Variants in BAZ2B observed in about 807,000 individuals in gnomAD.
BAZ2B encodes bromodomain adjacent to zinc finger domain 2B.
In BAZ2B, 91 loss-of-function variants were observed where a neutral mutation model predicts 246.0. The ratio of observed to expected loss-of-function variants is 0.37; its 90% CI spans 0.31 to 0.44. The LOEUF is 0.44. BAZ2B is among the 20% of genes least tolerant of loss of function. The pLI, the probability that BAZ2B is intolerant of heterozygous loss-of-function variation, is 1.00. For missense variants in BAZ2B, 2,332 were observed against 2,533.7 expected (o/e 0.92, Z 1.71); for synonymous variants, 855 against 860.0 (o/e 0.99, Z 0.10).
At chr2:159,407,965 A>G (rs991575980) in intron 14 of BAZ2B, among the ~76,000 whole-genome samples, 6 of 152,232 alleles carry the variant, frequency 3.9e-5, no homozygotes, top group Non-Finnish European at 8.8e-5. Context: ...TTTGAATTCT[A>G]CAATAGAGGC....
intron 4 of BAZ2B, among the ~76,000 whole-genome samples, chr2:159,451,344 T>G (rs2075066819): frequency 6.6e-6 from 1 of 152,272 alleles, no homozygotes; most frequent in East Asian, 1.9e-4. Flanking sequence ...ATATAAAAAA[T>G]TATTCCTCAT....
At chr2:159,374,845 C>T (rs774181608) in intron 25 of BAZ2B, 92 bp from the exon 26 acceptor site, 57 of 1,069,918 alleles carry the variant, frequency 5.3e-5, no homozygotes, top group South Asian at 1.6e-4. Flanking sequence ...ATAGGCACTG[C>T]GGAAAGGTAT....
At chr2:159,329,151 A>G (rs2064249002) in intron 34 of BAZ2B, among the ~76,000 whole-genome samples, 2 of 151,536 alleles carry the variant, frequency 1.3e-5, no homozygotes, top group Admixed American at 1.3e-4. Flanking sequence ...AAAAAAAAAA[A>G]AAGAAAATAT....
chr2:159,501,029 G>A (rs2081646443), intron 2 of BAZ2B, among the ~76,000 whole-genome samples: 1 of 143,602 alleles, frequency 7.0e-6, no homozygotes, highest in Non-Finnish European at 1.5e-5. Context: ...CAGAACTTTG[G>A]GAGGCTGAGG....
chr2:159,698,110 C>T, the BAZ2B span, among the ~76,000 whole-genome samples: 2 of 152,130 alleles, frequency 1.3e-5, no homozygotes, highest in African/African-American at 2.4e-5. Flanking sequence ...AAATTACTAA[C>T]GATTATAAAT....
At chr2:159,654,170 A>G in the BAZ2B span, among the ~76,000 whole-genome samples, 222 of 152,330 alleles carry the variant, frequency 1.5e-3, 2 homozygotes, top group Middle Eastern at 6.8e-3. Context: ...TATATTGATC[A>G]ATAAAAAGAT....
At position 159,439,091 on chromosome 2, in the gene BAZ2B, T is replaced by C. The variant is rs1162595553; in HGVS notation, c.818A>G (p.Glu273Gly). The C allele has an allele frequency of 6.2e-7, 1 of 1,613,954 alleles. No individual in the cohort carries two copies. The highest frequency in any genetic ancestry group is 8.5e-7 in the Non-Finnish European group (1 of 1,179,948). ...TTCTTCAATACTTTGATCTTCTTCT[T>C]CTTCATCTTCTTCTAGATCATCTGA... is the stretch of plus-strand genomic sequence containing the variant. ...SDSDDLEEDEEEEDQSIEESE... is the reference protein window; with the variant it reads ...SDSDDLEEDEGEEDQSIEESE... Residue 273 changes from glutamate to glycine, a missense_variant, in exon 7 of 37, where the codon GAA (glutamate) becomes GGA (glycine). By Grantham distance (98) the Glu-to-Gly change is moderately conservative (BLOSUM62 -2). Around this residue, in one of 9 missense-constraint regions of BAZ2B, gnomAD observed 161 missense variants for 225.8 expected, o/e 0.71. Coordinates refer to ENST00000392783, the MANE Select transcript of BAZ2B (RefSeq NM_013450.4).
intron 3 of BAZ2B, among the ~76,000 whole-genome samples, chr2:159,456,046 A>T (rs1210403878): frequency 6.6e-6 from 1 of 151,916 alleles, no homozygotes; most frequent in African/African-American, 2.4e-5. Flanking sequence ...TCTGTAATTT[A>T]TGTTTTACAA....
At chr2:159,438,806 A>G in intron 7 of BAZ2B, 111 bp from the exon 8 acceptor site, 1 of 1,320,034 alleles carries the variant, frequency 7.6e-7, no homozygotes. Context: ...TTAATGCCTT[A>G]TGATAATATC....
intron 2 of BAZ2B, among the ~76,000 whole-genome samples, chr2:159,486,622 C>T (rs574702823): frequency 6.7e-6 from 1 of 150,160 alleles, no homozygotes; most frequent in South Asian, 2.1e-4. Context: ...GTGCTGGTCA[C>T]CCTCACATTA....
the BAZ2B span, among the ~76,000 whole-genome samples, chr2:159,636,211 T>C: frequency 6.6e-6 from 1 of 152,148 alleles, no homozygotes; most frequent in South Asian, 2.1e-4. Flanking sequence ...AAACCAAAAG[T>C]AAGGTGAGCA....
rs529108926 is a variant in BAZ2B, at chr2:159,487,784, GA to G, written c.-2-9064del. On this transcript the variant is annotated intron_variant, in intron 2 of 36. Transcript: ENST00000392783. ...TTTTGAATTAATCCAATCAGATAAAGAAAAAAAAAAAGAATTTAAAAAAATG... is the reference window on the plus strand; with the variant it reads ...TTTTGAATTAATCCAATCAGATAAAGAAAAAAAAAAGAATTTAAAAAAATG... Among the ~76,000 whole-genome samples, 386 of 139,400 alleles carry G rather than the reference GA, an allele frequency of 2.8e-3. 1 individual carries two copies. Among genetic ancestry groups the G allele is most frequent in the African/African-American group, 7.3e-3 (278 of 38,164 alleles). 91.5% of individuals were successfully genotyped at this position (139,400 alleles called of 152,430 possible). A position where few individuals can be genotyped will look rare whatever the true frequency, so the allele number is the denominator to read the frequency against.
upstream of BAZ2B, among the ~76,000 whole-genome samples, chr2:159,618,599 TTAAA>T (rs1332158470): frequency 6.6e-6 from 1 of 152,108 alleles, no homozygotes; most frequent in Non-Finnish European, 1.5e-5. Context: ...ATGGTGGTCA[TTAAA>T]TAAATAATAT....
intron 13 of BAZ2B, among the ~76,000 whole-genome samples, chr2:159,413,505 C>T (rs974724122): frequency 1.3e-5 from 2 of 151,890 alleles, no homozygotes; most frequent in Non-Finnish European, 2.9e-5. Context: ...GTCAGGAGTT[C>T]GAGACCAGCC....
At chr2:159,530,847 G>A (rs930044223) in intron 2 of BAZ2B, among the ~76,000 whole-genome samples, 1 of 152,066 alleles carries the variant, frequency 6.6e-6, no homozygotes, top group Non-Finnish European at 1.5e-5. Context: ...CCGCATGCCT[G>A]TAATCCCAGC....
intron 6 of BAZ2B, among the ~76,000 whole-genome samples, chr2:159,443,723 C>T (rs1448084397): frequency 1.3e-5 from 2 of 152,248 alleles, no homozygotes; most frequent in African/African-American, 4.8e-5. Flanking sequence ...GCCTTAGACA[C>T]TACTATGGTA....
At position 159,563,723 on chromosome 2, in the gene BAZ2B, T is replaced by C. The variant is rs1559784036; in HGVS notation, c.-45-7858A>G. Among the ~76,000 whole-genome samples, 5 of 152,016 alleles carry C rather than the reference T, an allele frequency of 3.3e-5. No homozygotes were observed. The South Asian group carries it at 1.0e-3, about 31-fold the overall frequency. On this transcript the variant is annotated intron_variant, in intron 1 of 36. Coordinates refer to ENST00000392783, the MANE Select transcript of BAZ2B (RefSeq NM_013450.4). The stretch of plus-strand genomic sequence containing the variant: ...GGTACAGAGTTTCGGATTTGGAAGA[T>C]GAAAAAAAGTAATGGTTGTACAACA...
At chr2:159,595,600 CAG>C (rs1690508607) in intron 1 of BAZ2B, among the ~76,000 whole-genome samples, 1 of 152,198 alleles carries the variant, frequency 6.6e-6, no homozygotes, top group Admixed American at 6.5e-5. Context: ...CTCTGTAAAA[CAG>C]AAATTAGTCA....
chr2:159,517,841 C>T (rs1264037956), intron 2 of BAZ2B, among the ~76,000 whole-genome samples: 2 of 152,146 alleles, frequency 1.3e-5, no homozygotes, highest in Non-Finnish European at 2.9e-5. Flanking sequence ...ATGCAAGTTG[C>T]TAACATCACT....
Sources: gnomAD v4.1 joint callset for allele counts (sites outside exome capture counted in the v4.1 genomes callset) on GRCh38, gnomAD v4.1.1 for gene constraint, gnomAD v4.1.1 regional missense constraint, MANE v1.5 for transcripts, NCBI Gene and HGNC (gene_info 2026-07-23, HGNC 2026-07-21) for gene names.